The following SPEN variants were observed in gnomAD, a reference collection of about 807,000 sequenced individuals.
The protein encoded by SPEN is spen family transcriptional repressor.
SPEN carries 18 observed loss-of-function variants against 269.9 expected under a neutral mutation model. The ratio of observed to expected loss-of-function variants is 0.07; its 90% CI spans 0.05 to 0.10. The LOEUF is 0.10. Among genes scored for constraint, SPEN ranks in the 10% least tolerant of loss-of-function variants. SPEN has a pLI of 1.00. For synonymous variants in SPEN, 1,726 were observed against 1,765.7 expected (o/e 0.98, Z 0.56); for missense variants, 3,822 against 4,631.2 (o/e 0.83, Z 5.07).
intron 1 of SPEN, among the ~76,000 whole-genome samples, chr1:15,853,515 G>C (rs1489750730): frequency 1.4e-5 from 2 of 147,092 alleles, no homozygotes; most frequent in Non-Finnish European, 3.0e-5. Flanking sequence ...ATTTTTTGAG[G>C]TAGAGTCTTG....
Position 15,931,717 on chromosome 1 carries a change from C to G in SPEN, c.5477C>G (p.Thr1826Ser). 6.2e-7 allele frequency: 1 copy of G among 1,614,200 alleles called. No homozygotes were observed. Among genetic ancestry groups the G allele is most frequent in the Non-Finnish European group, 8.5e-7 (1 of 1,180,036 alleles). ...KKPNKSKRSK[T>S]PVQAAAVSIV... is the part of the protein sequence containing the mutation. ...CCAAACAAAAGCAAGCGTTCAAAGACCCCTGTTCAGGCAGCTGCAGTGAGT... is the reference window on the plus strand; with the variant it reads ...CCAAACAAAAGCAAGCGTTCAAAGAGCCCTGTTCAGGCAGCTGCAGTGAGT... The change falls in exon 11 of 15, where the codon ACC becomes AGC. Residue 1826 changes from threonine (T) to serine (S), a missense_variant. This residue lies in a region of SPEN where 533 missense variants were observed against 618.8 expected (regional missense o/e 0.86). Transcript: ENST00000375759. The surrounding 1 kb of genome is among the most constrained non-coding windows in gnomAD (Gnocchi z 4.8).
chr1:15,908,189 A>G (rs988713954), intron 3 of SPEN, among the ~76,000 whole-genome samples: 1 of 151,448 alleles, frequency 6.6e-6, no homozygotes, highest in South Asian at 2.1e-4. Flanking sequence ...ACTACTACTA[A>G]CAGTAACTGA....
intron 3 of SPEN, among the ~76,000 whole-genome samples, chr1:15,906,683 C>T (rs565796077): frequency 5.3e-4 from 81 of 151,476 alleles, no homozygotes; most frequent in African/African-American, 1.9e-3. Context: ...AGGCTAGCCT[C>T]GAACTCCTGG....
chr1:15,883,904 G>A (rs1570002507), intron 3 of SPEN, among the ~76,000 whole-genome samples: 1 of 150,880 alleles, frequency 6.6e-6, no homozygotes, highest in South Asian at 2.1e-4. Context: ...CCGCCTCCTG[G>A]GTTCACGCCA....
At chr1:15,904,070 G>A (rs983449167) in intron 3 of SPEN, among the ~76,000 whole-genome samples, 1 of 152,098 alleles carries the variant, frequency 6.6e-6, no homozygotes, top group Non-Finnish European at 1.5e-5. Context: ...AGGCATTTGG[G>A]CCTTCTGTCA....
chr1:15,904,469 A>AAAAAAAAAAAAAAAAAT (rs1557750194), intron 3 of SPEN, among the ~76,000 whole-genome samples: 1 of 149,750 alleles, frequency 6.7e-6, no homozygotes, highest in Non-Finnish European at 1.5e-5. Context: ...AAAAAAAAAA[A>AAAAAAAAAAAAAAAAAT]AAAAAAAAGT....
chr1:15,939,012 A>G lies in SPEN; in HGVS notation c.10863+136A>G. 8.4e-7 allele frequency: 1 copy of G among 1,192,982 alleles called. No individual in the cohort carries two copies. 73.9% of individuals were successfully genotyped at this position (1,192,982 alleles called of 1,614,324 possible). On this transcript the variant is annotated intron_variant, in intron 14 of 14. Transcript: ENST00000375759. This position sits in a 1 kb window ranked among gnomAD's most constrained non-coding sequence, Gnocchi z 4.1. ...AGGGGCATTTTGGACAGAAGTCAGTAGAGCACATGGGGCGGGGCGCCATCA... is the reference window on the plus strand; with the variant it reads ...AGGGGCATTTTGGACAGAAGTCAGTGGAGCACATGGGGCGGGGCGCCATCA...
rs2071228841 is a variant in SPEN, at chr1:15,932,218, G to C, written c.5978G>C (p.Gly1993Ala). ...AGGTCCCAGAAAACTGCAGCTGGTG[G>C]TGGACCCCAAGGGAAAAAGGGAAAA... ...SPRSQKTAAG[G>A]GPQGKKGKNE... Residue 1993 changes from glycine to alanine, a missense_variant, in exon 11 of 15, where the codon GGT (glycine) becomes GCT (alanine). This residue lies in a region of SPEN where 533 missense variants were observed against 618.8 expected (regional missense o/e 0.86). Transcript: ENST00000375759. This position sits in a 1 kb window ranked among gnomAD's most constrained non-coding sequence, Gnocchi z 4.2. The C allele has an allele frequency of 6.2e-7, 1 of 1,612,820 alleles. No individual in the cohort carries two copies. The highest frequency in any genetic ancestry group is 1.3e-5 in the African/African-American group (1 of 74,778).
At chr1:15,918,746 CTA>C (rs1208722790) in intron 6 of SPEN, among the ~76,000 whole-genome samples, 178 bp from the exon 7 acceptor site, 1 of 152,098 alleles carries the variant, frequency 6.6e-6, no homozygotes, top group African/African-American at 2.4e-5. Flanking sequence ...ACAATAAATG[CTA>C]TATGTTTTAT....
Position 15,936,186 on chromosome 1 carries a change from C to A in SPEN, c.9946C>A (p.Pro3316Thr). 6.3e-7 allele frequency: 1 copy of A among 1,595,794 alleles called. No homozygotes were observed. Among genetic ancestry groups the A allele is most frequent in the Non-Finnish European group, 8.6e-7 (1 of 1,167,064 alleles). The part of the protein sequence containing the change: ...YRYGDIRTYH[P>T]PAQLTHTQFP... ...GTACGGCGACATCCGCACCTACCAC[C>A]CCCCGGCCCAGCTCACACACACTCA... The change falls in exon 11 of 15, where the codon CCC becomes ACC. Residue 3316 changes from proline (P) to threonine (T), a missense_variant. Transcript: ENST00000375759.
intron 9 of SPEN, 81 bp downstream of exon 9, chr1:15,921,064 G>A (rs769928648): frequency 3.0e-5 from 25 of 822,666 alleles, no homozygotes; most frequent in South Asian, 4.1e-5. Flanking sequence ...GGTGGCTCAC[G>A]CCTGTAATCC....
chr1:15,897,440 G>A (rs1008642444), intron 3 of SPEN, among the ~76,000 whole-genome samples: 7 of 150,902 alleles, frequency 4.6e-5, no homozygotes, highest in Middle Eastern at 3.4e-3. Flanking sequence ...TCGGCTAACC[G>A]CAACCTCCGC....
In SPEN at chr1:15,929,705, T is replaced by G; in HGVS notation, c.3465T>G (p.Thr1155=). 6.2e-7 allele frequency: 1 copy of G among 1,613,968 alleles called. No individual in the cohort carries two copies. The highest frequency in any genetic ancestry group is 8.5e-7 in the Non-Finnish European group (1 of 1,179,960). ...SGQEKSHSVN[T]EEKIGIDIDH... ...AAGAGAAATCACATTCAGTAAATAC[T>G]GAAGAAAAAATTGGCATTGACATCG... is the stretch of plus-strand genomic sequence containing the variant. The change falls in exon 11 of 15, where the codon ACT becomes ACG. Residue 1155 remains threonine, a synonymous_variant. Transcript: ENST00000375759. The surrounding 1 kb of genome is among the most constrained non-coding windows in gnomAD (Gnocchi z 5.8).
Position 15,934,589 on chromosome 1 carries a change from T to C in SPEN, c.8349T>C (p.Ser2783=). Reference sequence around the variant, plus strand: ...AGAGAGCGAGTGCTAATGAAAACAGTCGGTTCCACCCAGGGTCCATGCCTG... The same window carrying C: ...AGAGAGCGAGTGCTAATGAAAACAGCCGGTTCCACCCAGGGTCCATGCCTG... ...CKQRASANEN[S]RFHPGSMPVI... Residue 2783 remains serine (S), a synonymous_variant, in exon 11 of 15, where the codon AGT becomes AGC. Coordinates refer to ENST00000375759, the MANE Select transcript of SPEN (RefSeq NM_015001.3). This position sits in a 1 kb window ranked among gnomAD's most constrained non-coding sequence, Gnocchi z 9.2. 6.2e-7 allele frequency: 1 copy of C among 1,614,090 alleles called. No individual in the cohort carries two copies. The highest frequency in any genetic ancestry group is 8.5e-7 in the Non-Finnish European group (1 of 1,180,010).
chr1:15,931,297 C>T lies in SPEN; in HGVS notation c.5057C>T (p.Ala1686Val), dbSNP rs1313963589. Residue 1686 changes from alanine (A) to valine (V), a missense_variant, in exon 11 of 15, where the codon GCA becomes GTA. By Grantham distance (64) the Ala-to-Val change is moderately conservative. Coordinates refer to ENST00000375759, the MANE Select transcript of SPEN (RefSeq NM_015001.3). The surrounding 1 kb of genome is among the most constrained non-coding windows in gnomAD (Gnocchi z 4.8). ...ACCGTCTCAGAAGAAGCAAAGCCTG[C>T]ATCTGAACCTGCTCCTGCCCCTGTG... ...PATVSEEAKP[A>V]SEPAPAPVEQ... 6.2e-7 allele frequency: 1 copy of T among 1,614,174 alleles called. No individual in the cohort carries two copies. Among genetic ancestry groups the T allele is most frequent in the Admixed American group, 1.7e-5 (1 of 60,026 alleles).
At chr1:15,871,736 T>C (rs1440588632) in intron 1 of SPEN, among the ~76,000 whole-genome samples, 2 of 152,188 alleles carry the variant, frequency 1.3e-5, no homozygotes, top group Admixed American at 1.3e-4. Context: ...TTGGATTTAC[T>C]TTTGCCTTTA....
intron 1 of SPEN, among the ~76,000 whole-genome samples, chr1:15,856,018 A>C (rs1569964514): frequency 1.2e-5 from 1 of 86,302 alleles, no homozygotes; most frequent in South Asian, 3.9e-4. Flanking sequence ...TTTGAGACGG[A>C]GTTTCTCTCT....
chr1:15,872,409 G>A (rs113880030), intron 1 of SPEN, among the ~76,000 whole-genome samples: 5 of 151,948 alleles, frequency 3.3e-5, no homozygotes, highest in African/African-American at 1.2e-4. Context: ...TGGCTAACAC[G>A]GTGAAACCCC....
rs959371891 is a variant in SPEN at position 15,940,074 on chromosome 1, G to A, written c.*647G>A. The A allele has an allele frequency of 4.0e-5, 9 of 222,240 alleles. No homozygotes were observed. Among genetic ancestry groups the A allele is most frequent in the African/African-American group, 6.7e-5 (3 of 44,474 alleles). The allele number at this position is 222,240 out of a possible 1,614,324, so 13.8% of individuals were successfully genotyped here. Reference sequence around the variant, plus strand: ...AGGTTTTCTCTTGGTGGGATATGCAGAACTTGGGATGTGTGTATATATAAA... The same window carrying A: ...AGGTTTTCTCTTGGTGGGATATGCAAAACTTGGGATGTGTGTATATATAAA... On this transcript the variant is annotated 3_prime_UTR_variant, in exon 15 of 15. Transcript: ENST00000375759.
Sources: gnomAD v4.1 joint callset for allele counts (sites outside exome capture counted in the v4.1 genomes callset) on GRCh38, gnomAD v4.1.1 for gene constraint, gnomAD v4.1.1 regional missense constraint, Gnocchi (gnomAD v3.1) non-coding constraint, MANE v1.5 for transcripts, NCBI Gene and HGNC (gene_info 2026-07-23, HGNC 2026-07-21) for gene names.